The following TNFSF13B variants were observed in gnomAD, a reference collection of about 807,000 sequenced individuals.
TNFSF13B encodes the protein TNF superfamily member 13b, also known as tumor necrosis factor ligand superfamily member 13B.
Under a neutral mutation model 29.1 loss-of-function variants are expected in TNFSF13B, and 8 were observed. That is an observed-to-expected ratio of 0.27 (90% CI 0.16 to 0.50). The LOEUF (loss-of-function observed/expected upper bound fraction) is 0.50, where lower values mean the gene tolerates loss of function less well. TNFSF13B is among the 20% of genes least tolerant of loss of function. The pLI is 0.98. For missense variants in TNFSF13B, 248 were observed against 334.9 expected (o/e 0.74, Z 2.03); for synonymous variants, 125 against 130.8 (o/e 0.96, Z 0.30).
intron 5 of TNFSF13B, among the ~76,000 whole-genome samples, chr13:108,305,932 A>G (rs1009671211): frequency 3.9e-5 from 6 of 152,138 alleles, no homozygotes; most frequent in Admixed American, 3.9e-4. Flanking sequence ...ATGCTAATGA[A>G]ACAATGAAAC....
intron 3 of TNFSF13B, among the ~76,000 whole-genome samples, chr13:108,289,718 T>C (rs1881253089): frequency 6.6e-6 from 1 of 151,396 alleles, no homozygotes; most frequent in African/African-American, 2.4e-5. Flanking sequence ...GAAATCATGT[T>C]ATGTATTCCA....
intron 3 of TNFSF13B, among the ~76,000 whole-genome samples, chr13:108,302,451 A>G (rs1881652770): frequency 6.6e-6 from 1 of 152,170 alleles, no homozygotes; most frequent in South Asian, 2.1e-4. Flanking sequence ...AATGTAAAGT[A>G]TGAATTCACA....
chr13:108,276,163 G>A (rs568362770), intron 2 of TNFSF13B, among the ~76,000 whole-genome samples: 2 of 152,310 alleles, frequency 1.3e-5, no homozygotes, highest in Admixed American at 6.5e-5. Context: ...AGCGTGCAAT[G>A]TAGAACTTGA....
At chr13:108,274,657 GT>G (rs1248486184) in intron 2 of TNFSF13B, among the ~76,000 whole-genome samples, 1 of 152,074 alleles carries the variant, frequency 6.6e-6, no homozygotes. Flanking sequence ...ACACAAGGAC[GT>G]TTTTTAGTAG....
chr13:108,275,172 T>C (rs1347696683), intron 2 of TNFSF13B, among the ~76,000 whole-genome samples: 1 of 152,150 alleles, frequency 6.6e-6, no homozygotes, highest in East Asian at 1.9e-4. Context: ...TGTTTGGAGA[T>C]ATTCCCAATT....
At chr13:108,289,611 T>G (rs971297195) in intron 3 of TNFSF13B, among the ~76,000 whole-genome samples, 10 of 147,836 alleles carry the variant, frequency 6.8e-5, no homozygotes, top group African/African-American at 2.5e-4. Flanking sequence ...TAATAATATA[T>G]TATTATCTTC....
intron 3 of TNFSF13B, among the ~76,000 whole-genome samples, chr13:108,293,466 G>T (rs1881382778): frequency 6.6e-6 from 1 of 152,034 alleles, no homozygotes; most frequent in Admixed American, 6.6e-5. Context: ...GAGAACAAAA[G>T]GTCACTGAAA....
At chr13:108,304,191 C>T (rs574795022) in intron 5 of TNFSF13B, among the ~76,000 whole-genome samples, 3 of 152,134 alleles carry the variant, frequency 2.0e-5, no homozygotes, top group Non-Finnish European at 4.4e-5. Flanking sequence ...GGAAGAAATG[C>T]CCCTGGCCAG....
At chr13:108,269,701 C>T, upstream of TNFSF13B, 2 of 502,594 alleles carry the variant, frequency 4.0e-6, no homozygotes, top group Non-Finnish European at 7.0e-6. Context: ...TAAATGCCAG[C>T]AAACCTACTG....
intron 3 of TNFSF13B, among the ~76,000 whole-genome samples, chr13:108,289,369 C>G (rs1351056761): frequency 6.6e-6 from 1 of 151,918 alleles, no homozygotes; most frequent in Admixed American, 6.6e-5. Flanking sequence ...GTGATGTCAG[C>G]AAACCCTTGA....
intron 5 of TNFSF13B, among the ~76,000 whole-genome samples, chr13:108,304,663 G>T (rs992674067): frequency 1.3e-5 from 2 of 152,152 alleles, no homozygotes; most frequent in African/African-American, 4.8e-5. Context: ...GATGGTTACC[G>T]TGAATGACCG....
At chr13:108,306,130 A>G (rs1225636935) in intron 5 of TNFSF13B, among the ~76,000 whole-genome samples, 1 of 152,112 alleles carries the variant, frequency 6.6e-6, no homozygotes. Flanking sequence ...TAATTCACAG[A>G]TGCATTTGTC....
chr13:108,278,571 C>CTCTCCTCT (rs1566399241), intron 2 of TNFSF13B, among the ~76,000 whole-genome samples: 36 of 146,932 alleles, frequency 2.5e-4, no homozygotes, highest in Non-Finnish European at 3.3e-4. Context: ...TCTTCCTACC[C>CTCTCCTCT]CCTCCTCTCC....
intron 3 of TNFSF13B, among the ~76,000 whole-genome samples, chr13:108,289,326 T>C (rs1283040315): frequency 6.6e-6 from 1 of 152,028 alleles, no homozygotes; most frequent in African/African-American, 2.4e-5. Flanking sequence ...TTGCTTGCAG[T>C]GCTCCAACCT....
chr13:108,284,359 T>TAAACAAAC (rs774747009), intron 2 of TNFSF13B, among the ~76,000 whole-genome samples: 41 of 94,230 alleles, frequency 4.4e-4, no homozygotes, highest in African/African-American at 1.1e-3. Context: ...AATAAATGAA[T>TAAACAAAC]AAATAAACAA....
chr13:108,298,332 G>A (rs1283717436), intron 3 of TNFSF13B, among the ~76,000 whole-genome samples: 1 of 145,322 alleles, frequency 6.9e-6, no homozygotes, highest in African/African-American at 2.6e-5. Flanking sequence ...AGACCCCCCA[G>A]GATACATTAA....
chr13:108,299,385 G>A (rs946512285), intron 3 of TNFSF13B, among the ~76,000 whole-genome samples: 1 of 109,704 alleles, frequency 9.1e-6, no homozygotes. Flanking sequence ...ATGTTACAAT[G>A]TAGCAAATCT....
At position 108,298,353 on chromosome 13, in the gene TNFSF13B, A is replaced by G. The variant is rs1881513796; in HGVS notation, c.482-4900A>G. Among the ~76,000 whole-genome samples, 2 of 145,760 alleles carry G rather than the reference A, an allele frequency of 1.4e-5. 1 individual carries two copies. On this transcript the variant is annotated intron_variant, in intron 3 of 5. Coordinates refer to ENST00000375887, the MANE Select transcript of TNFSF13B (RefSeq NM_006573.5). Reference sequence around the variant, plus strand: ...CCCAGGATACATTAAACTGATGAACATATGCATTATGAGAGTCACAGAAGG... The same window carrying G: ...CCCAGGATACATTAAACTGATGAACGTATGCATTATGAGAGTCACAGAAGG...
At chr13:108,278,903 A>G (rs973049179) in intron 2 of TNFSF13B, among the ~76,000 whole-genome samples, 2 of 152,136 alleles carry the variant, frequency 1.3e-5, no homozygotes, top group Non-Finnish European at 2.9e-5. Context: ...ATGGTGCACA[A>G]CTACTTACTT....
Sources: allele counts gnomAD v4.1 joint callset (sites outside exome capture counted in the v4.1 genomes callset), GRCh38; gene constraint gnomAD v4.1.1; transcripts MANE v1.5; gene names NCBI Gene and HGNC (gene_info 2026-07-23, HGNC 2026-07-21).